STK38L: variants seen among roughly 807,000 people sequenced by gnomAD.
The protein encoded by STK38L is serine/threonine-protein kinase 38-like.
STK38L carries 28 observed loss-of-function variants against 59.7 expected under a neutral mutation model. The observed-to-expected ratio is 0.47, with a 90% CI of 0.35 to 0.64. The LOEUF (loss-of-function observed/expected upper bound fraction) is 0.64, where lower values mean the gene tolerates loss of function less well. Ranked by LOEUF, STK38L falls within the 30% of genes least tolerant of loss-of-function variation. The pLI, the probability that STK38L is intolerant of heterozygous loss-of-function variation, is 0.01. For synonymous variants in STK38L, 162 were observed against 176.8 expected, an observed-to-expected ratio of 0.92 and a Z score of 0.66; for missense variants, 314 against 555.8, an observed-to-expected ratio of 0.56 and a Z score of 4.37.
In STK38L at chr12:27,256,171, A is replaced by G. The variant is rs571869754; in HGVS notation, c.-12+11839A>G. Reference sequence around the variant, plus strand: ...ATTGAACTAGCCATCTTTCCCTGCTACCAGTCTTGCCTTCTTTCAGTCTGT... The same window carrying G: ...ATTGAACTAGCCATCTTTCCCTGCTGCCAGTCTTGCCTTCTTTCAGTCTGT... On this transcript the variant is annotated intron_variant, in intron 1 of 13. Coordinates refer to ENST00000389032, the MANE Select transcript of STK38L (RefSeq NM_015000.4). Among the ~76,000 whole-genome samples the G allele has an allele frequency of 3.9e-5, 6 of 152,328 alleles. No homozygotes were observed. In the South Asian group the frequency reaches 1.0e-3, roughly 26 times the overall value.
At chr12:27,285,065 C>G (rs1177891257) in intron 1 of STK38L, among the ~76,000 whole-genome samples, 1 of 152,140 alleles carries the variant, frequency 6.6e-6, no homozygotes, top group African/African-American at 2.4e-5. Flanking sequence ...TAGCTCATAG[C>G]TACTTAGGTC....
chr12:27,257,215 G>T (rs1291095107), intron 1 of STK38L, among the ~76,000 whole-genome samples: 1 of 152,208 alleles, frequency 6.6e-6, no homozygotes, highest in Non-Finnish European at 1.5e-5. Flanking sequence ...AGAATCTACA[G>T]GGGAAGCCAG....
intron 3 of STK38L, among the ~76,000 whole-genome samples, chr12:27,303,185 T>C (rs892296375): frequency 1.3e-5 from 2 of 151,828 alleles, no homozygotes; most frequent in African/African-American, 4.8e-5. Context: ...CTTGGAACTC[T>C]TCCTCACTCC....
intron 12 of STK38L, among the ~76,000 whole-genome samples, chr12:27,320,863 G>C (rs1944712681): frequency 6.7e-6 from 1 of 149,814 alleles, no homozygotes; most frequent in Non-Finnish European, 1.5e-5. Flanking sequence ...CTCACTGCAA[G>C]CTCCACCTCC....
chr12:27,252,551 T>G (rs1054955651), intron 1 of STK38L, among the ~76,000 whole-genome samples: 2 of 152,268 alleles, frequency 1.3e-5, no homozygotes, highest in Non-Finnish European at 2.9e-5. Context: ...TTTCTGTATT[T>G]GGCAGCAGAG....
In STK38L at chr12:27,315,038, TG is replaced by T. The variant is rs756333353; in HGVS notation, c.698del (p.Gly233ValfsTer6). The T allele has an allele frequency of 6.2e-7, 1 of 1,610,134 alleles. No homozygotes were observed. The highest frequency in any genetic ancestry group is 8.5e-7 in the Non-Finnish European group (1 of 1,178,994). On this transcript the variant is annotated frameshift_variant, in exon 8 of 14. Coordinates refer to ENST00000389032, the MANE Select transcript of STK38L (RefSeq NM_015000.4). LOFTEE classifies it high-confidence loss of function. ...AKGHVKLSDF[G>X]LCTGLKKAHR... The stretch of plus-strand genomic sequence containing the variant: ...AGGGTCATGTAAAATTATCTGATTT[TG>T]GTTTATGTACGGGATTAAAGAAAGC...
In STK38L at chr12:27,317,457, T is replaced by C. The variant is rs568849445; in HGVS notation, c.955+4T>C. 12 of 1,578,164 alleles carry C rather than the reference T, an allele frequency of 7.6e-6. No homozygotes were observed. The Admixed American group carries it at 1.1e-4, about 14-fold the overall frequency. ...ATTATGTATGAAATGCTAATAGGTA[T>C]GTTTTATCATTCATTTATGTACAAA... On this transcript the variant is annotated splice_donor_region_variant and intron_variant, in intron 10 of 13. Transcript: ENST00000389032.
chr12:27,300,913 CA>C (rs897368395), intron 2 of STK38L, among the ~76,000 whole-genome samples: 1 of 152,128 alleles, frequency 6.6e-6, no homozygotes, highest in Non-Finnish European at 1.5e-5. Flanking sequence ...TAAGAAATAT[CA>C]AAAAGTTGTG....
chr12:27,287,018 C>T (rs17411960), intron 1 of STK38L, among the ~76,000 whole-genome samples: 25,869 of 151,612 alleles, frequency 0.17, 2,426 homozygotes, highest in Non-Finnish European at 0.22. Flanking sequence ...TTATTGTCTC[C>T]TTTCGACTTT....
chr12:27,255,038 T>C (rs1185570447), intron 1 of STK38L, among the ~76,000 whole-genome samples: 1 of 152,218 alleles, frequency 6.6e-6, no homozygotes, highest in South Asian at 2.1e-4. Flanking sequence ...ATTTTTAGAA[T>C]TGAGCAGAAA....
In STK38L at chr12:27,288,367, T is replaced by C. The variant is rs182849395; in HGVS notation, c.-11-9343T>C. Among the ~76,000 whole-genome samples, 177 of 152,216 alleles carry C rather than the reference T, an allele frequency of 1.2e-3. 1 individual carries two copies. Among genetic ancestry groups the C allele is most frequent in the African/African-American group, 4.1e-3 (170 of 41,474 alleles). ...TCGTCTTACTTTTGACGGACCCATA[T>C]TCTTTATAACAAAAGTGAAAAATAT... On this transcript the variant is annotated intron_variant, in intron 1 of 13. Transcript: ENST00000389032.
intron 1 of STK38L, among the ~76,000 whole-genome samples, chr12:27,262,087 T>C (rs1034921691): frequency 5.8e-4 from 88 of 152,360 alleles, no homozygotes; most frequent in African/African-American, 2.1e-3. Context: ...CTGTTACAGA[T>C]GATTGTATGC....
chr12:27,276,458 G>C (rs1049363787), intron 1 of STK38L, among the ~76,000 whole-genome samples: 1 of 152,094 alleles, frequency 6.6e-6, no homozygotes, highest in Non-Finnish European at 1.5e-5. Flanking sequence ...CCAGGACCAC[G>C]ACTTCCACCG....
Position 27,249,208 on chromosome 12 carries a change from C to A in STK38L, c.-12+4876C>A, listed in dbSNP as rs555623023. Among the ~76,000 whole-genome samples the A allele has an allele frequency of 1.2e-4, 19 of 152,324 alleles. No individual in the cohort carries two copies. The East Asian group carries it at 3.7e-3, about 29-fold the overall frequency. ...AGCTCTGCACAGATCTTAGGGAAGA[C>A]CTTAACAGTTACAGGTCATGTGGTG... On this transcript the variant is annotated intron_variant, in intron 1 of 13. Transcript: ENST00000389032.
At chr12:27,315,798 C>T (rs1046360785) in intron 9 of STK38L, among the ~76,000 whole-genome samples, 3 of 152,270 alleles carry the variant, frequency 2.0e-5, no homozygotes, top group East Asian at 3.9e-4. Context: ...AACAGTGTTA[C>T]AATAAAACAG....
intron 1 of STK38L, among the ~76,000 whole-genome samples, chr12:27,267,183 C>T (rs61915904): frequency 6.6e-6 from 1 of 151,924 alleles, no homozygotes; most frequent in African/African-American, 2.4e-5. Flanking sequence ...AGGGAATAAA[C>T]GTTAAATTGT....
intron 1 of STK38L, among the ~76,000 whole-genome samples, chr12:27,254,722 C>T (rs2881297): frequency 0.32 from 48,982 of 151,934 alleles, 9,026 homozygotes; most frequent in East Asian, 0.83. Flanking sequence ...ACTAAAAGAT[C>T]ATGGGCACTC....
chr12:27,265,467 T>C (rs1943283780), intron 1 of STK38L, among the ~76,000 whole-genome samples: 1 of 152,228 alleles, frequency 6.6e-6, no homozygotes, highest in Admixed American at 6.5e-5. Context: ...AATTTTTTGC[T>C]GTTATTAATA....
chr12:27,260,700 T>C (rs1243239739), intron 1 of STK38L, among the ~76,000 whole-genome samples: 2 of 152,184 alleles, frequency 1.3e-5, no homozygotes, highest in Non-Finnish European at 2.9e-5. Context: ...TCCTTCTCAA[T>C]GAAACCTTCT....
Sources: allele counts gnomAD v4.1 joint callset (sites outside exome capture counted in the v4.1 genomes callset), GRCh38; gene constraint gnomAD v4.1.1; transcripts MANE v1.5; gene names NCBI Gene and HGNC (gene_info 2026-07-23, HGNC 2026-07-21).